DTHD1: variants seen among roughly 807,000 people sequenced by gnomAD.
DTHD1 encodes the protein death domain containing 1, also known as death domain-containing protein 1.
DTHD1 carries 59 observed loss-of-function variants against 74.8 expected under a neutral mutation model. That is an observed-to-expected ratio of 0.79 (90% CI 0.64 to 0.98). The LOEUF is 0.98. Ranked by LOEUF, DTHD1 falls within the 50% of genes least tolerant of loss-of-function variation. DTHD1 has a pLI of 0.00. For synonymous variants in DTHD1, 365 were observed against 371.1 expected (o/e 0.98, Z 0.19); for missense variants, 1,051 against 1,065.4 (o/e 0.99, Z 0.19).
intron 8 of DTHD1, among the ~76,000 whole-genome samples, chr4:36,336,609 G>C (rs1411730669): frequency 1.3e-5 from 2 of 152,170 alleles, no homozygotes; most frequent in Non-Finnish European, 2.9e-5. Context: ...CAGCCTGGTA[G>C]TGGTGGGCTG....
chr4:36,284,302 C>G lies in DTHD1; in HGVS notation c.598C>G (p.Arg200Gly). ...AGAAAACAATACATCACTGAATGGA[C>G]GTGTACTGGGGCAAGAAGAGTCACA... is the stretch of plus-strand genomic sequence containing the variant. ...EKENNTSLNG[R>G]VLGQEESQNK... The change falls in exon 2 of 10, where the codon CGT becomes GGT. Residue 200 changes from arginine to glycine, a missense_variant. Coordinates refer to ENST00000639862, the MANE Select transcript of DTHD1 (RefSeq NM_001170700.3). 6.5e-7 allele frequency: 1 copy of G among 1,537,094 alleles called. No individual in the cohort carries two copies.
intron 7 of DTHD1, among the ~76,000 whole-genome samples, chr4:36,309,751 T>C (rs981401856): frequency 3.3e-5 from 5 of 152,236 alleles, no homozygotes; most frequent in African/African-American, 1.2e-4. Context: ...TACACTTTAA[T>C]CAAATACACT....
intron 2 of DTHD1, among the ~76,000 whole-genome samples, chr4:36,287,461 CT>C (rs1755777065): frequency 6.6e-6 from 1 of 152,186 alleles, no homozygotes; most frequent in African/African-American, 2.4e-5. Context: ...ATCCATGTAT[CT>C]TTTTCACATA....
intron 5 of DTHD1, among the ~76,000 whole-genome samples, chr4:36,297,777 G>T (rs891360616): frequency 2.0e-5 from 3 of 152,152 alleles, no homozygotes; most frequent in African/African-American, 7.2e-5. Context: ...GGGTTGAAAA[G>T]AAGAGGCTGA....
At chr4:36,303,943 T>G (rs1282689298) in intron 5 of DTHD1, among the ~76,000 whole-genome samples, 7 of 152,266 alleles carry the variant, frequency 4.6e-5, no homozygotes, top group African/African-American at 1.4e-4. Context: ...TGACACATAT[T>G]TTTTTTCATT....
intron 8 of DTHD1, among the ~76,000 whole-genome samples, chr4:36,336,323 G>C (rs1043833954): frequency 6.6e-6 from 1 of 150,922 alleles, no homozygotes; most frequent in Non-Finnish European, 1.5e-5. Context: ...TTCACAAATA[G>C]AACCTAAGAA....
intron 8 of DTHD1, among the ~76,000 whole-genome samples, chr4:36,324,902 G>A (rs530952428): frequency 2.6e-4 from 39 of 152,238 alleles, no homozygotes; most frequent in African/African-American, 9.1e-4. Context: ...GGTGACTTGC[G>A]GGTGCTTCAG....
chr4:36,284,630 A>T, intron 2 of DTHD1, 39 bp downstream of exon 2: 1 of 1,390,680 alleles, frequency 7.2e-7, no homozygotes, highest in East Asian at 2.5e-5. Flanking sequence ...AAGTATGCCT[A>T]CTTATATGTG....
intron 5 of DTHD1, among the ~76,000 whole-genome samples, chr4:36,301,872 G>A (rs1234575408): frequency 6.6e-6 from 1 of 151,820 alleles, no homozygotes; most frequent in South Asian, 2.1e-4. Flanking sequence ...GCTGTCAGCT[G>A]GCAAGAAAAC....
At chr4:36,291,462 A>G (rs974977229) in intron 3 of DTHD1, among the ~76,000 whole-genome samples, 2 of 152,232 alleles carry the variant, frequency 1.3e-5, no homozygotes, top group African/African-American at 4.8e-5. Context: ...GTCAAATTTT[A>G]ATTGTAATAA....
intron 7 of DTHD1, 40 bp from the exon 8 acceptor site, chr4:36,316,202 G>T (rs1192814912): frequency 1.8e-5 from 28 of 1,535,452 alleles, no homozygotes; most frequent in Non-Finnish European, 2.5e-5. Flanking sequence ...CCCAAAGTGA[G>T]ATAACTTAAT....
At chr4:36,329,079 T>A (rs556574510) in intron 8 of DTHD1, among the ~76,000 whole-genome samples, 1 of 152,334 alleles carries the variant, frequency 6.6e-6, no homozygotes, top group Non-Finnish European at 1.5e-5. Flanking sequence ...CTTTACCAGC[T>A]TCCTTCTATT....
At chr4:36,288,214 C>T (rs1909914) in intron 2 of DTHD1, among the ~76,000 whole-genome samples, 139,434 of 152,254 alleles carry the variant, frequency 0.92, 63,975 homozygotes, top group African/African-American at 0.96. Context: ...TTCTCCTGTT[C>T]CAGTCTCCTA....
intron 7 of DTHD1, among the ~76,000 whole-genome samples, chr4:36,313,291 T>TA (rs1360536521): frequency 6.6e-6 from 1 of 152,162 alleles, no homozygotes; most frequent in African/African-American, 2.4e-5. Flanking sequence ...TAGGGGACTA[T>TA]ATACTTAAGA....
chr4:36,286,496 T>C (rs1755719933), intron 2 of DTHD1, among the ~76,000 whole-genome samples: 1 of 152,168 alleles, frequency 6.6e-6, no homozygotes, highest in African/African-American at 2.4e-5. Flanking sequence ...TGTTGTCAAT[T>C]CCCCCGTATA....
chr4:36,334,296 C>T (rs1472819594), intron 8 of DTHD1, among the ~76,000 whole-genome samples: 1 of 151,900 alleles, frequency 6.6e-6, no homozygotes, highest in Non-Finnish European at 1.5e-5. Flanking sequence ...TTGCCCCTTT[C>T]TCAAGGTTCA....
At chr4:36,319,451 T>A (rs934148446) in intron 8 of DTHD1, among the ~76,000 whole-genome samples, 6 of 152,186 alleles carry the variant, frequency 3.9e-5, no homozygotes, top group African/African-American at 1.4e-4. Context: ...AGCATGAAGA[T>A]GTGGAGTGGA....
Position 36,284,560 on chromosome 4 carries a change from A to G in DTHD1, c.856A>G (p.Ile286Val), listed in dbSNP as rs766301788. Residue 286 changes from isoleucine (I) to valine (V), a missense_variant, in exon 2 of 10, where the codon ATA (isoleucine) becomes GTA (valine). By Grantham distance (29) the Ile-to-Val change is conservative (BLOSUM62 3). Coordinates refer to ENST00000639862, the MANE Select transcript of DTHD1 (RefSeq NM_001170700.3). ...TACTCTTCCCAATGATTCAGAGAAT[A>G]TAAAGCACAAGAATAACATAATGGA... ...NSTLPNDSENIKHKNNIMEKE... is the reference protein window; with the variant it reads ...NSTLPNDSENVKHKNNIMEKE... 1.4e-4 allele frequency: 220 copies of G among 1,525,096 alleles called. 1 individual carries two copies. In the South Asian group the frequency reaches 2.6e-3, roughly 18 times the overall value. The allele number at this position is 1,525,096 out of a possible 1,614,324, so 94.5% of individuals were successfully genotyped here.
At chr4:36,305,873 C>A (rs959900648) in intron 5 of DTHD1, among the ~76,000 whole-genome samples, 6 of 152,214 alleles carry the variant, frequency 3.9e-5, no homozygotes, top group Non-Finnish European at 7.3e-5. Flanking sequence ...CTCCAAAGCT[C>A]ATCTCAAATA....
Sources: gnomAD v4.1 joint callset for allele counts (sites outside exome capture counted in the v4.1 genomes callset) on GRCh38, gnomAD v4.1.1 for gene constraint, MANE v1.5 for transcripts, NCBI Gene and HGNC (gene_info 2026-07-23, HGNC 2026-07-21) for gene names.